The following FAM13A variants were observed in gnomAD, a reference collection of about 807,000 sequenced individuals.
The protein encoded by FAM13A is protein FAM13A.
FAM13A carries 76 observed loss-of-function variants against 129.6 expected under a neutral mutation model. The observed-to-expected ratio is 0.59, with a 90% confidence interval of 0.49 to 0.71. FAM13A has a LOEUF of 0.71. Among genes scored for constraint, FAM13A ranks in the 30% least tolerant of loss-of-function variants. The pLI is 0.00. For missense variants in FAM13A, 1,108 were observed against 1,249.3 expected, an observed-to-expected ratio of 0.89 and a Z score of 1.70; for synonymous variants, 443 against 449.9, an observed-to-expected ratio of 0.98 and a Z score of 0.20.
At chr4:88,858,654 G>A (rs1440006031) in intron 6 of FAM13A, among the ~76,000 whole-genome samples, 1 of 152,144 alleles carries the variant, frequency 6.6e-6, no homozygotes. Flanking sequence ...GACACATATT[G>A]TATAATTCCA....
At chr4:88,735,184 A>T (rs1343767507) in intron 21 of FAM13A, among the ~76,000 whole-genome samples, 2 of 152,184 alleles carry the variant, frequency 1.3e-5, no homozygotes, top group African/African-American at 4.8e-5. Flanking sequence ...CAGTATGTCT[A>T]TCTCATGTTG....
intron 3 of FAM13A, among the ~76,000 whole-genome samples, chr4:88,999,615 TA>T (rs1763985542): frequency 6.6e-6 from 1 of 152,196 alleles, no homozygotes; most frequent in African/African-American, 2.4e-5. Context: ...CACTACTGGT[TA>T]AATGCTCAGC....
chr4:88,778,595 C>G (rs1210333734), intron 11 of FAM13A, among the ~76,000 whole-genome samples: 1 of 152,166 alleles, frequency 6.6e-6, no homozygotes, highest in South Asian at 2.1e-4. Flanking sequence ...ATCATCATCT[C>G]AAACCCAGAT....
intron 4 of FAM13A, among the ~76,000 whole-genome samples, chr4:88,948,606 G>A (rs181225221): frequency 6.5e-4 from 98 of 151,806 alleles, no homozygotes; most frequent in Non-Finnish European, 1.1e-3. Context: ...CTCCCGCCTC[G>A]GCTTCCTGAG....
chr4:88,730,744 T>G (rs1578395884), intron 23 of FAM13A, among the ~76,000 whole-genome samples: 1 of 152,330 alleles, frequency 6.6e-6, no homozygotes, highest in Non-Finnish European at 1.5e-5. Context: ...ATTATCACCT[T>G]CATTTTTGAA....
chr4:88,927,198 T>C (rs189524449), intron 5 of FAM13A, among the ~76,000 whole-genome samples: 197 of 151,312 alleles, frequency 1.3e-3, no homozygotes, highest in African/African-American at 4.4e-3. Context: ...TATTCCTATG[T>C]ATATTTTTTT....
At chr4:88,800,882 C>T (rs985374083) in intron 8 of FAM13A, among the ~76,000 whole-genome samples, 4 of 151,930 alleles carry the variant, frequency 2.6e-5, no homozygotes, top group Non-Finnish European at 5.9e-5. Context: ...TAGCCTAAAA[C>T]AGGGTTTTGA....
chr4:88,843,586 C>A (rs553545861), intron 7 of FAM13A, among the ~76,000 whole-genome samples: 39 of 152,244 alleles, frequency 2.6e-4, no homozygotes, highest in African/African-American at 9.1e-4. Flanking sequence ...TGAAGTCAGT[C>A]ATATTTAATT....
At chr4:88,942,424 G>A (rs759025399) in intron 4 of FAM13A, among the ~76,000 whole-genome samples, 3 of 151,800 alleles carry the variant, frequency 2.0e-5, no homozygotes, top group Non-Finnish European at 4.4e-5. Context: ...AACATTAGCC[G>A]GGTGTGGTGG....
chr4:88,994,208 T>C (rs6844655), intron 3 of FAM13A, among the ~76,000 whole-genome samples: 105,679 of 152,032 alleles, frequency 0.7, 36,840 homozygotes, highest in Middle Eastern at 0.79. Context: ...GCAGCACACC[T>C]ACATTTATAA....
intron 4 of FAM13A, among the ~76,000 whole-genome samples, chr4:88,981,092 A>G (rs1000995439): frequency 1.3e-5 from 2 of 152,156 alleles, no homozygotes; most frequent in Non-Finnish European, 2.9e-5. Context: ...TTTTTATCTT[A>G]TTGGTTAGTA....
chr4:88,899,578 G>A (rs567398114), intron 6 of FAM13A, among the ~76,000 whole-genome samples: 68 of 152,148 alleles, frequency 4.5e-4, no homozygotes, highest in Middle Eastern at 3.4e-3. Flanking sequence ...CTATTCAAAT[G>A]AAAAGATTAA....
chr4:88,807,932 T>G (rs116502308), intron 7 of FAM13A, among the ~76,000 whole-genome samples: 2 of 152,300 alleles, frequency 1.3e-5, no homozygotes, highest in African/African-American at 4.8e-5. Context: ...TTTTGACCAG[T>G]TTTTGTTCTA....
At chr4:88,999,806 C>T (rs955226366) in intron 3 of FAM13A, among the ~76,000 whole-genome samples, 7 of 152,162 alleles carry the variant, frequency 4.6e-5, no homozygotes, top group East Asian at 1.9e-4. Flanking sequence ...GTTCAAAACA[C>T]GGCTTGACAG....
At chr4:88,981,282 A>C (rs1252066989) in intron 4 of FAM13A, among the ~76,000 whole-genome samples, 2 of 152,226 alleles carry the variant, frequency 1.3e-5, no homozygotes, top group African/African-American at 2.4e-5. Context: ...AAGTGTGCAC[A>C]ATGAGTTTAA....
At chr4:88,949,347 G>A (rs1157245645) in intron 4 of FAM13A, among the ~76,000 whole-genome samples, 2 of 151,976 alleles carry the variant, frequency 1.3e-5, no homozygotes, top group Non-Finnish European at 2.9e-5. Context: ...GCTCCATCTT[G>A]TCCACATACA....
chr4:88,909,187 C>T lies in FAM13A; in HGVS notation c.760-2725G>A, dbSNP rs558316360. Among the ~76,000 whole-genome samples the T allele has an allele frequency of 5.3e-5, 8 of 152,156 alleles. No homozygotes were observed. The South Asian group carries it at 1.7e-3, about 32-fold the overall frequency. On this transcript the variant is annotated intron_variant, in intron 5 of 23. Transcript: ENST00000264344. ...ATTCATAATAGCCTAAAAGTGGTGACAATCCAAATGCCCATTAATTGATGA... is the reference window on the plus strand; with the variant it reads ...ATTCATAATAGCCTAAAAGTGGTGATAATCCAAATGCCCATTAATTGATGA...
intron 4 of FAM13A, among the ~76,000 whole-genome samples, chr4:88,970,888 C>T (rs1216675025): frequency 6.6e-6 from 1 of 152,084 alleles, no homozygotes; most frequent in Admixed American, 6.6e-5. Flanking sequence ...AAAAAATGAT[C>T]AAAGCCATAA....
chr4:88,833,361 C>T (rs201716656), intron 7 of FAM13A, among the ~76,000 whole-genome samples: 13 of 152,024 alleles, frequency 8.6e-5, no homozygotes, highest in African/African-American at 1.4e-4. Context: ...CACATGTACC[C>T]GGAACTTAAA....
Sources: allele counts gnomAD v4.1 joint callset (sites outside exome capture counted in the v4.1 genomes callset), GRCh38; gene constraint gnomAD v4.1.1; transcripts MANE v1.5; gene names NCBI Gene and HGNC (gene_info 2026-07-23, HGNC 2026-07-21).